The following HERC1 variants were observed in gnomAD, a reference collection of about 807,000 sequenced individuals.
HERC1 encodes the protein probable E3 ubiquitin-protein ligase HERC1.
Under a neutral mutation model 554.3 loss-of-function variants are expected in HERC1, and 160 were observed. That is an observed-to-expected ratio of 0.29 (90% CI 0.25 to 0.33). HERC1 has a LOEUF of 0.33. Ranked by LOEUF, HERC1 falls within the 10% of genes least tolerant of loss-of-function variation. The pLI, the probability that HERC1 is intolerant of heterozygous loss-of-function variation, is 1.00. For missense variants in HERC1, 4,919 were observed against 5,918.5 expected (o/e 0.83, Z 5.54); for synonymous variants, 2,175 against 2,131.7 (o/e 1.02, Z -0.56).
At chr15:63,760,257 T>C (rs1204543279) in intron 3 of HERC1, among the ~76,000 whole-genome samples, 1 of 151,820 alleles carries the variant, frequency 6.6e-6, no homozygotes, top group African/African-American at 2.4e-5. Context: ...AGGGAGTCTA[T>C]GGAGTTTAAA....
intron 1 of HERC1, among the ~76,000 whole-genome samples, chr15:63,814,044 C>T (rs963359165): frequency 6.6e-6 from 1 of 151,744 alleles, no homozygotes; most frequent in South Asian, 2.1e-4. Flanking sequence ...GGGTGACAAG[C>T]GCAAAACTCC....
chr15:63,812,420 G>C (rs1329009407), intron 1 of HERC1, among the ~76,000 whole-genome samples: 1 of 152,222 alleles, frequency 6.6e-6, no homozygotes. Flanking sequence ...TTGGAAATGT[G>C]TATGGGCTTA....
At position 63,665,978 on chromosome 15, in the gene HERC1, C is replaced by T. The variant is rs1307252224; in HGVS notation, c.8496G>A (p.Gln2832=). The T allele has an allele frequency of 6.2e-7, 1 of 1,614,050 alleles. No individual in the cohort carries two copies. Among genetic ancestry groups the T allele is most frequent in the Non-Finnish European group, 8.5e-7 (1 of 1,179,896 alleles). ...GGKSNDPCYL[Q]SPGDIPSADA... Reference sequence around the variant, plus strand: ...CAGCTGATGGTATGTCTCCAGGTGACTGCAAATAACAGGGATCATTTGACT... The same window carrying T: ...CAGCTGATGGTATGTCTCCAGGTGATTGCAAATAACAGGGATCATTTGACT... The change falls in exon 42 of 78, where the codon CAG becomes CAA. Residue 2832 remains glutamine (Q), a synonymous_variant. Coordinates refer to ENST00000443617, the MANE Select transcript of HERC1 (RefSeq NM_003922.4).
Position 63,729,657 on chromosome 15 carries a change from G to A in HERC1, c.2869-8C>T. On this transcript the variant is annotated splice_polypyrimidine_tract_variant and splice_region_variant and intron_variant, in intron 14 of 77. Transcript: ENST00000443617. ...CTCTCCAAATGCTTGATCCTAAAAT[G>A]ACACACAAAGGAAGTTTATATTTGA... 1.2e-6 allele frequency: 2 copies of A among 1,612,816 alleles called. No homozygotes were observed. Among genetic ancestry groups the A allele is most frequent in the Non-Finnish European group, 1.7e-6 (2 of 1,179,094 alleles).
Position 63,680,020 on chromosome 15 carries a change from T to C in HERC1, c.6549+57A>G. ...GCTTATTATATTTATAAACTCTATC[T>C]GATGCTAAACAATAAAATAACAAAT... On this transcript the variant is annotated intron_variant, in intron 36 of 77. Coordinates refer to ENST00000443617, the MANE Select transcript of HERC1 (RefSeq NM_003922.4). This position sits in a 1 kb window ranked among gnomAD's most constrained non-coding sequence, Gnocchi z 5.8. The C allele has an allele frequency of 8.2e-7, 1 of 1,213,520 alleles. No individual in the cohort carries two copies. Among genetic ancestry groups the C allele is most frequent in the East Asian group, 2.4e-5 (1 of 42,020 alleles). The allele number at this position is 1,213,520 out of a possible 1,614,324, so 75.2% of individuals were successfully genotyped here.
chr15:63,611,923 G>A (rs1429186805), intron 77 of HERC1, among the ~76,000 whole-genome samples: 2 of 152,164 alleles, frequency 1.3e-5, no homozygotes, highest in African/African-American at 4.8e-5. Context: ...GTTGGCTCAC[G>A]CCTGTAATCC....
intron 24 of HERC1, among the ~76,000 whole-genome samples, chr15:63,710,197 T>C (rs2073223408): frequency 6.6e-6 from 1 of 152,214 alleles, no homozygotes; most frequent in Admixed American, 6.5e-5. Context: ...TTGCGTGGAC[T>C]AGCCATCTCT....
Position 63,643,384 on chromosome 15 carries a change from A to T in HERC1, c.11331+20T>A. ...GTGTCAAAATATTCCTTAACATAAA[A>T]ATAAAATCTATGCTCTTACCCTTAA... On this transcript the variant is annotated intron_variant, in intron 58 of 77. Coordinates refer to ENST00000443617, the MANE Select transcript of HERC1 (RefSeq NM_003922.4). 6.3e-7 allele frequency: 1 copy of T among 1,594,798 alleles called. No homozygotes were observed. Among genetic ancestry groups the T allele is most frequent in the Non-Finnish European group, 8.5e-7 (1 of 1,172,888 alleles).
At chr15:63,813,352 A>AT (rs2077391770) in intron 1 of HERC1, among the ~76,000 whole-genome samples, 1 of 140,276 alleles carries the variant, frequency 7.1e-6, no homozygotes, top group South Asian at 2.3e-4. Context: ...ACACACACAA[A>AT]CTCGTAAGTA....
chr15:63,616,378 T>G, intron 75 of HERC1, 52 bp downstream of exon 75: 2 of 1,554,084 alleles, frequency 1.3e-6, no homozygotes, highest in South Asian at 1.2e-5. Flanking sequence ...AATTCTAGTC[T>G]GTGCATATAG....
At chr15:63,681,200 T>A (rs181073920) in intron 34 of HERC1, among the ~76,000 whole-genome samples, 201 of 152,016 alleles carry the variant, frequency 1.3e-3, no homozygotes, top group African/African-American at 4.8e-3. Context: ...TTTGTTTTGT[T>A]TTGTTTTTAA....
intron 52 of HERC1, 79 bp from the exon 53 acceptor site, chr15:63,651,459 G>T (rs907752846): frequency 2.2e-6 from 3 of 1,381,116 alleles, no homozygotes; most frequent in African/African-American, 1.4e-5. Context: ...TAAAATAAGG[G>T]TTTCATATAG....
intron 71 of HERC1, among the ~76,000 whole-genome samples, chr15:63,625,040 A>T (rs536363104): frequency 6.6e-6 from 1 of 152,268 alleles, no homozygotes; most frequent in South Asian, 2.1e-4. Flanking sequence ...TCCACTAATT[A>T]CAGTTTGCTA....
chr15:63,711,680 T>C (rs1043971744), intron 24 of HERC1, among the ~76,000 whole-genome samples: 2 of 152,208 alleles, frequency 1.3e-5, no homozygotes, highest in Admixed American at 6.5e-5. Flanking sequence ...GAATTACACA[T>C]GGAGCTTATA....
intron 2 of HERC1, among the ~76,000 whole-genome samples, chr15:63,773,520 A>G (rs558701964): frequency 9.3e-5 from 14 of 150,980 alleles, no homozygotes; most frequent in African/African-American, 3.4e-4. Flanking sequence ...TTGAGTCTTA[A>G]TATTTTAAAT....
chr15:63,696,166 G>A lies in HERC1; in HGVS notation c.5079C>T (p.His1693=). ...GGCCACTCTCTCCCTTGCCTCCTGT[G>A]TGTCCAACAGTGCCTAAACCAAAAC... The part of the protein sequence containing the change: ...AGCFGLGTVG[H]TGGKGESGRL... The change falls in exon 27 of 78, where the codon CAC becomes CAT. Residue 1693 remains histidine (H), a synonymous_variant. Transcript: ENST00000443617. 1 of 1,613,636 alleles carries A rather than the reference G, an allele frequency of 6.2e-7. No homozygotes were observed. Among genetic ancestry groups the A allele is most frequent in the East Asian group, 2.2e-5 (1 of 44,870 alleles).
At position 63,734,974 on chromosome 15, in the gene HERC1, G is replaced by C; in HGVS notation, c.2521-125C>G. 2 of 788,586 alleles carry C rather than the reference G, an allele frequency of 2.5e-6. No individual in the cohort carries two copies. 48.8% of individuals were successfully genotyped at this position (788,586 alleles called of 1,614,324 possible). ...CTAAAAAAGATGGCATGATAAAAAA[G>C]AAAGCATGCAAGTCCTCCTTCAGAT... is the stretch of plus-strand genomic sequence containing the variant. On this transcript the variant is annotated intron_variant, in intron 12 of 77. Transcript: ENST00000443617. The surrounding 1 kb of genome is among the most constrained non-coding windows in gnomAD (Gnocchi z 4.6).
intron 65 of HERC1, among the ~76,000 whole-genome samples, chr15:63,635,759 T>C (rs2068752652): frequency 1.3e-5 from 2 of 152,136 alleles, no homozygotes; most frequent in Non-Finnish European, 2.9e-5. Context: ...TAACCAATAC[T>C]AACAAGACCA....
chr15:63,809,586 A>C (rs149311133), intron 1 of HERC1, among the ~76,000 whole-genome samples: 94 of 152,316 alleles, frequency 6.2e-4, no homozygotes, highest in African/African-American at 2.1e-3. Flanking sequence ...GGCCACTGCA[A>C]AAGTTGAGTT....
Sources: gnomAD v4.1 joint callset for allele counts (sites outside exome capture counted in the v4.1 genomes callset) on GRCh38, gnomAD v4.1.1 for gene constraint, Gnocchi (gnomAD v3.1) non-coding constraint, MANE v1.5 for transcripts, NCBI Gene and HGNC (gene_info 2026-07-23, HGNC 2026-07-21) for gene names.